The following MED12L variants were observed in gnomAD, a reference collection of about 807,000 sequenced individuals.
The protein encoded by MED12L is mediator complex subunit 12L, also known as mediator of RNA polymerase II transcription subunit 12-like protein.
A neutral mutation model predicts 281.3 loss-of-function variants in MED12L; 60 were observed. The ratio of observed to expected loss-of-function variants is 0.21; its 90% confidence interval spans 0.17 to 0.26. The LOEUF is 0.26. Among genes scored for constraint, MED12L ranks in the 10% least tolerant of loss-of-function variants. The pLI is 1.00. For missense variants in MED12L, 2,146 were observed against 2,680.9 expected, an observed-to-expected ratio of 0.80 and a Z score of 4.41; for synonymous variants, 974 against 987.2, an observed-to-expected ratio of 0.99 and a Z score of 0.25.
intron 16 of MED12L, among the ~76,000 whole-genome samples, chr3:151,347,236 A>G (rs755815992): frequency 1.3e-5 from 2 of 152,096 alleles, no homozygotes; most frequent in Non-Finnish European, 2.9e-5. Context: ...TACAAAACTA[A>G]TTTTTCTCCT....
At chr3:151,128,493 C>T (rs573485687) in intron 5 of MED12L, among the ~76,000 whole-genome samples, 8 of 152,172 alleles carry the variant, frequency 5.3e-5, no homozygotes, top group Admixed American at 2.6e-4. Flanking sequence ...CCGGCTCCCC[C>T]CCTTCCTGTG....
chr3:151,358,604 A>G (rs983412349), intron 20 of MED12L, among the ~76,000 whole-genome samples: 1 of 152,102 alleles, frequency 6.6e-6, no homozygotes, highest in Non-Finnish European at 1.5e-5. Flanking sequence ...GTTATTTTGA[A>G]ATTGATTTCA....
intron 5 of MED12L, among the ~76,000 whole-genome samples, chr3:151,140,485 A>G (rs565955680): frequency 1.2e-4 from 18 of 152,338 alleles, no homozygotes; most frequent in African/African-American, 4.3e-4. Flanking sequence ...CAAGTTTAAT[A>G]TGCTGCACTG....
At chr3:151,370,626 T>G (rs996639081) in intron 26 of MED12L, among the ~76,000 whole-genome samples, 17 of 152,094 alleles carry the variant, frequency 1.1e-4, no homozygotes, top group Non-Finnish European at 2.4e-4. Context: ...TTTCAGTGAG[T>G]AGAATTTCCC....
At chr3:151,133,681 T>G (rs1039805177) in intron 5 of MED12L, among the ~76,000 whole-genome samples, 4 of 151,772 alleles carry the variant, frequency 2.6e-5, no homozygotes, top group Non-Finnish European at 5.9e-5. Context: ...TGAGGGAGAG[T>G]ACGCCAGAAA....
intron 5 of MED12L, among the ~76,000 whole-genome samples, chr3:151,152,796 G>C (rs567848025): frequency 6.6e-6 from 1 of 152,176 alleles, no homozygotes; most frequent in Admixed American, 6.5e-5. Context: ...AGGCCATCCT[G>C]TTCCAAAGTC....
At chr3:151,415,985 G>GGAAGGAC (rs1465147412) in intron 42 of MED12L, among the ~76,000 whole-genome samples, 4 of 152,160 alleles carry the variant, frequency 2.6e-5, no homozygotes, top group Non-Finnish European at 4.4e-5. Flanking sequence ...TAAAACATGC[G>GGAAGGAC]GAAGGACAAA....
intron 16 of MED12L, among the ~76,000 whole-genome samples, chr3:151,232,186 T>G (rs898437557): frequency 7.2e-5 from 11 of 152,320 alleles, no homozygotes; most frequent in African/African-American, 1.2e-4. Context: ...TTGGCCATTT[T>G]CTTTTCTCTT....
chr3:151,426,568 G>T (rs1718896006), intron 43 of MED12L, among the ~76,000 whole-genome samples: 1 of 152,216 alleles, frequency 6.6e-6, no homozygotes. Flanking sequence ...TATAGATCAT[G>T]TACTTCTGGT....
chr3:151,181,788 G>A (rs566782298), intron 11 of MED12L, among the ~76,000 whole-genome samples: 1 of 151,848 alleles, frequency 6.6e-6, no homozygotes, highest in East Asian at 1.9e-4. Context: ...GTTTCACTAT[G>A]TTGGTCAGGC....
intron 14 of MED12L, among the ~76,000 whole-genome samples, 155 bp from the exon 15 acceptor site, chr3:151,192,395 G>T (rs1724105666): frequency 6.6e-6 from 1 of 152,166 alleles, no homozygotes; most frequent in Non-Finnish European, 1.5e-5. Context: ...TCATAGCAAG[G>T]CATGCCTTAA....
At chr3:151,251,995 A>T (rs896336685) in intron 16 of MED12L, among the ~76,000 whole-genome samples, 4 of 152,122 alleles carry the variant, frequency 2.6e-5, no homozygotes, top group African/African-American at 9.7e-5. Flanking sequence ...ATTATTACAT[A>T]ACTGTGTAAT....
Position 151,378,188 on chromosome 3 carries a change from T to G in MED12L, c.4478+15T>G, listed in dbSNP as rs1200075323. ...AAACAGAAAAGGTGTGGCTGGAAGA[T>G]GGGCGTCTGTGTGAGAGTTTAAAGA... On this transcript the variant is annotated intron_variant, in intron 31 of 44. Transcript: ENST00000687756. 6.3e-7 allele frequency: 1 copy of G among 1,587,922 alleles called. No homozygotes were observed. The highest frequency in any genetic ancestry group is 8.6e-7 in the Non-Finnish European group (1 of 1,165,202).
chr3:151,337,855 G>C (rs1295483765), intron 16 of MED12L: 1 of 1,614,046 alleles, frequency 6.2e-7, no homozygotes, highest in Non-Finnish European at 8.5e-7. Context: ...CCACCATCCT[G>C]TTCTTTTTTC....
chr3:151,095,606 G>T (rs16863151), intron 2 of MED12L, among the ~76,000 whole-genome samples: 2,684 of 152,310 alleles, frequency 0.018, 64 homozygotes, highest in African/African-American at 0.048. Flanking sequence ...CTTTCTTTCA[G>T]TCTAAGCTGG....
intron 16 of MED12L, chr3:151,270,209 G>GTGTGTGTGTT (rs907881268): frequency 1.3e-5 from 2 of 153,070 alleles, no homozygotes; most frequent in Non-Finnish European, 2.9e-5. Flanking sequence ...GTGTGTGTGT[G>GTGTGTGTGTT]TGTGTGTGTG....
At chr3:151,116,241 G>A (rs111890757) in intron 2 of MED12L, 97 bp from the exon 3 acceptor site, 12 of 776,982 alleles carry the variant, frequency 1.5e-5, no homozygotes, top group Middle Eastern at 4.7e-4. Flanking sequence ...CTCCTCTACA[G>A]AGTATAACAA....
intron 17 of MED12L, among the ~76,000 whole-genome samples, chr3:151,353,863 C>A (rs1000097247): frequency 6.6e-6 from 1 of 152,000 alleles, no homozygotes; most frequent in African/African-American, 2.4e-5. Flanking sequence ...CAGTGCTGGC[C>A]GGGCGCGGTG....
At chr3:151,106,496 AC>A (rs1394122143) in intron 2 of MED12L, among the ~76,000 whole-genome samples, 1 of 151,292 alleles carries the variant, frequency 6.6e-6, no homozygotes, top group East Asian at 1.9e-4. Context: ...CTTGCTTAAA[AC>A]CTTTACTGTT....
Sources: allele counts gnomAD v4.1 joint callset (sites outside exome capture counted in the v4.1 genomes callset), GRCh38; gene constraint gnomAD v4.1.1; transcripts MANE v1.5; gene names NCBI Gene and HGNC (gene_info 2026-07-23, HGNC 2026-07-21).